SGCD: variants seen among roughly 807,000 people sequenced by gnomAD.
SGCD encodes the protein sarcoglycan delta.
A neutral mutation model predicts 36.6 loss-of-function variants in SGCD; 18 were observed. The ratio of observed to expected loss-of-function variants is 0.49; its 90% confidence interval spans 0.34 to 0.73. The LOEUF (loss-of-function observed/expected upper bound fraction) is 0.73, where lower values mean the gene tolerates loss of function less well. SGCD is among the 30% of genes least tolerant of loss of function. The pLI is 0.01. For missense variants in SGCD, 387 were observed against 346.7 expected (o/e 1.12, Z -0.92); for synonymous variants, 133 against 130.6 (o/e 1.02, Z -0.12).
chr5:156,328,780 G>T (rs2127700987), intron 1 of SGCD, among the ~76,000 whole-genome samples: 1 of 152,056 alleles, frequency 6.6e-6, no homozygotes, highest in Middle Eastern at 3.4e-3. Flanking sequence ...GGAGGGTTTG[G>T]GGACTGCAGG....
At chr5:155,761,828 T>G in the SGCD span, among the ~76,000 whole-genome samples, 2 of 150,494 alleles carry the variant, frequency 1.3e-5, no homozygotes. Context: ...TTCCATCACC[T>G]TCTCCATCAT....
intron 3 of SGCD, among the ~76,000 whole-genome samples, chr5:156,209,374 G>T (rs374906179): frequency 1.8e-4 from 28 of 152,266 alleles, no homozygotes; most frequent in Middle Eastern, 6.8e-3. Context: ...CAGGCTTGAT[G>T]CCAACTCAGT....
chr5:155,727,877 T>A, the SGCD span, among the ~76,000 whole-genome samples: 3 of 152,172 alleles, frequency 2.0e-5, no homozygotes, highest in South Asian at 6.2e-4. Flanking sequence ...CTCCCGGTGT[T>A]TCTTAACCCC....
intron 3 of SGCD, among the ~76,000 whole-genome samples, chr5:156,296,983 CTCTA>C (rs1253889969): frequency 1.3e-5 from 2 of 151,424 alleles, no homozygotes; most frequent in South Asian, 2.1e-4. Context: ...TATGTACACA[CTCTA>C]TATAGTTTTC....
At chr5:156,182,912 C>T (rs749047806) in intron 3 of SGCD, among the ~76,000 whole-genome samples, 34 of 152,186 alleles carry the variant, frequency 2.2e-4, no homozygotes, top group Non-Finnish European at 4.6e-4. Context: ...TGTGAGGATA[C>T]ACCTTCCTCT....
chr5:156,702,075 A>G (rs942766263), intron 7 of SGCD, among the ~76,000 whole-genome samples: 88 of 152,222 alleles, frequency 5.8e-4, no homozygotes, highest in African/African-American at 2.1e-3. Context: ...CCTTGTATGT[A>G]AGAATGAGGC....
chr5:155,983,879 C>G (rs1485736652), intron 1 of SGCD, among the ~76,000 whole-genome samples: 1 of 152,104 alleles, frequency 6.6e-6, no homozygotes, highest in Non-Finnish European at 1.5e-5. Context: ...TTTGTCTAGC[C>G]TAATTCTTTG....
chr5:155,823,645 G>A, the SGCD span, among the ~76,000 whole-genome samples: 1 of 152,278 alleles, frequency 6.6e-6, no homozygotes, highest in East Asian at 1.9e-4. Flanking sequence ...TTAGCATAGG[G>A]TTCTGGACAA....
the SGCD span, among the ~76,000 whole-genome samples, chr5:155,756,826 A>G: frequency 1.3e-5 from 2 of 152,206 alleles, no homozygotes; most frequent in African/African-American, 2.4e-5. Context: ...GAAAGCTCAC[A>G]TTGAAATCGG....
At chr5:155,994,326 G>A (rs1758495363) in intron 1 of SGCD, among the ~76,000 whole-genome samples, 1 of 152,152 alleles carries the variant, frequency 6.6e-6, no homozygotes, top group South Asian at 2.1e-4. Context: ...AACATTAAAT[G>A]AGGTCTTACA....
At chr5:156,081,425 A>C (rs1217808462) in intron 1 of SGCD, among the ~76,000 whole-genome samples, 1 of 151,972 alleles carries the variant, frequency 6.6e-6, no homozygotes, top group Non-Finnish European at 1.5e-5. Context: ...ACAGGGTCTC[A>C]CTCTGTCACC....
At chr5:156,238,934 G>A (rs1426079539) in intron 3 of SGCD, among the ~76,000 whole-genome samples, 1 of 152,148 alleles carries the variant, frequency 6.6e-6, no homozygotes. Context: ...GTAAGATATT[G>A]GGGTTTGGCC....
At chr5:156,165,680 C>A (rs942904766) in intron 3 of SGCD, among the ~76,000 whole-genome samples, 1 of 152,190 alleles carries the variant, frequency 6.6e-6, no homozygotes, top group African/African-American at 2.4e-5. Flanking sequence ...CTTTTGCATA[C>A]AAGGTTTAGA....
intron 3 of SGCD, among the ~76,000 whole-genome samples, chr5:156,315,793 A>C (rs1767502564): frequency 1.3e-5 from 2 of 151,928 alleles, no homozygotes; most frequent in African/African-American, 2.4e-5. Context: ...TTTGGTTTGG[A>C]TATCCCTGAT....
chr5:156,753,019 G>C lies in SGCD; in HGVS notation c.576-4562G>C, dbSNP rs187318987. ...ACCTGAGTTTATGACCCTTGGACTA[G>C]AGCCGTGCTTCTCAAAGTGTGGCCC... On this transcript the variant is annotated intron_variant, in intron 7 of 8. Coordinates refer to ENST00000337851, the MANE Select transcript of SGCD (RefSeq NM_000337.6). 1.9e-3 allele frequency among the ~76,000 whole-genome samples: 286 copies of C among 152,148 alleles called. 1 individual carries two copies. The highest frequency in any genetic ancestry group is 5.5e-3 in the African/African-American group (228 of 41,524).
At chr5:155,803,619 G>A in the SGCD span, among the ~76,000 whole-genome samples, 7 of 152,294 alleles carry the variant, frequency 4.6e-5, no homozygotes, top group South Asian at 1.5e-3. Context: ...GAGCAAGCAG[G>A]CAAACTCTGT....
At chr5:156,610,296 G>C (rs1228863854) in intron 6 of SGCD, among the ~76,000 whole-genome samples, 2 of 152,210 alleles carry the variant, frequency 1.3e-5, no homozygotes, top group African/African-American at 2.4e-5. Flanking sequence ...GTTGGAGTTT[G>C]CTGGAGGTCC....
intron 7 of SGCD, among the ~76,000 whole-genome samples, chr5:156,693,737 A>G (rs1232553624): frequency 6.6e-6 from 1 of 152,174 alleles, no homozygotes; most frequent in African/African-American, 2.4e-5. Flanking sequence ...GGTAGATTGT[A>G]TCACAAATTG....
intron 4 of SGCD, among the ~76,000 whole-genome samples, chr5:156,578,052 G>T (rs1482541446): frequency 6.6e-6 from 1 of 152,144 alleles, no homozygotes; most frequent in African/African-American, 2.4e-5. Context: ...CTGTAGGTTT[G>T]TCATAAATAG....
Sources: allele counts gnomAD v4.1 joint callset (sites outside exome capture counted in the v4.1 genomes callset), GRCh38; gene constraint gnomAD v4.1.1; transcripts MANE v1.5; gene names NCBI Gene and HGNC (gene_info 2026-07-23, HGNC 2026-07-21).